PACS1: variants seen among roughly 807,000 people sequenced by gnomAD.
The protein encoded by PACS1 is phosphofurin acidic cluster sorting protein 1.
In PACS1, 24 loss-of-function variants were observed where a neutral mutation model predicts 115.0. The observed-to-expected ratio is 0.21, with a 90% CI of 0.15 to 0.29. The LOEUF (loss-of-function observed/expected upper bound fraction) is 0.29. PACS1 is among the 10% of genes least tolerant of loss of function. The pLI is 1.00. For missense variants in PACS1, 838 were observed against 1,251.2 expected (o/e 0.67, Z 4.98); for synonymous variants, 453 against 504.5 (o/e 0.90, Z 1.37).
At chr11:66,120,886 A>G in intron 1 of PACS1, 1 of 400,438 alleles carries the variant, frequency 2.5e-6, no homozygotes, top group Admixed American at 2.9e-5. Context: ...GCCCAGTTCA[A>G]GGGACGTCTT....
chr11:66,123,736 T>G (rs2134566050), intron 1 of PACS1, among the ~76,000 whole-genome samples: 1 of 151,248 alleles, frequency 6.6e-6, no homozygotes, highest in East Asian at 2.0e-4. Flanking sequence ...TTAGCCAGGA[T>G]GATCTCGATC....
chr11:66,235,858 T>C lies in PACS1; in HGVS notation c.2208-40T>C. The C allele has an allele frequency of 4.5e-6, 7 of 1,569,642 alleles. No individual in the cohort carries two copies. The highest frequency in any genetic ancestry group is 6.1e-6 in the Non-Finnish European group (7 of 1,139,540). On this transcript the variant is annotated intron_variant, in intron 18 of 23. Coordinates refer to ENST00000320580, the MANE Select transcript of PACS1 (RefSeq NM_018026.4). This position sits in a 1 kb window ranked among gnomAD's most constrained non-coding sequence, Gnocchi z 5.6. Reference sequence around the variant, plus strand: ...CAATTCCCCAGCACTCCTCCCTGTCTCTCCTACTAACTATGAAGCTCTCCT... The same window carrying C: ...CAATTCCCCAGCACTCCTCCCTGTCCCTCCTACTAACTATGAAGCTCTCCT...
chr11:66,072,869 G>T (rs887973631), intron 1 of PACS1, among the ~76,000 whole-genome samples: 1 of 152,256 alleles, frequency 6.6e-6, no homozygotes, highest in African/African-American at 2.4e-5. Context: ...AGGAGCTGCA[G>T]CAGAGGGGCG....
chr11:66,163,664 G>A (rs1248209174), intron 1 of PACS1, among the ~76,000 whole-genome samples: 6 of 152,138 alleles, frequency 3.9e-5, no homozygotes, highest in Non-Finnish European at 8.8e-5. Context: ...AAGTCTTCTG[G>A]TTTCAAACAG....
At chr11:66,223,054 C>CAAAAAAAAAAAAAAAAAA (rs71461612) in intron 10 of PACS1, among the ~76,000 whole-genome samples, 1 of 75,008 alleles carries the variant, frequency 1.3e-5, no homozygotes, top group African/African-American at 5.4e-5. Context: ...CCTCGATTTA[C>CAAAAAAAAAAAAAAAAAA]AAAAAAAAAA....
intron 1 of PACS1, among the ~76,000 whole-genome samples, chr11:66,169,453 G>A (rs1859686152): frequency 6.7e-6 from 1 of 149,572 alleles, no homozygotes; most frequent in Admixed American, 6.6e-5. Flanking sequence ...AGGCTGGAAT[G>A]CAGTGGCTCA....
intron 1 of PACS1, among the ~76,000 whole-genome samples, chr11:66,128,048 A>C (rs1010454805): frequency 6.6e-6 from 1 of 152,210 alleles, no homozygotes; most frequent in Non-Finnish European, 1.5e-5. Flanking sequence ...TAAACAGAAC[A>C]GTTTTTTCAA....
chr11:66,238,758 C>A, intron 19 of PACS1, 46 bp from the exon 20 acceptor site: 1 of 1,538,524 alleles, frequency 6.5e-7, no homozygotes, highest in Non-Finnish European at 8.9e-7. Flanking sequence ...CAGAACATGC[C>A]TGCTTTAACA....
At chr11:66,219,260 T>C (rs1390522658) in intron 7 of PACS1, among the ~76,000 whole-genome samples, 1 of 151,768 alleles carries the variant, frequency 6.6e-6, no homozygotes. Flanking sequence ...AGAATGGGCC[T>C]GCGGGGAGAA....
chr11:66,202,691 C>G (rs1398805453), intron 2 of PACS1, among the ~76,000 whole-genome samples: 1 of 128,766 alleles, frequency 7.8e-6, no homozygotes, highest in African/African-American at 3.0e-5. Context: ...GAATTTGAGA[C>G]CAGCCTGGGC....
chr11:66,215,646 T>C (rs1254308775), intron 4 of PACS1, among the ~76,000 whole-genome samples: 1 of 151,586 alleles, frequency 6.6e-6, no homozygotes, highest in Admixed American at 6.6e-5. Flanking sequence ...ACACTTGTTA[T>C]CCCAGCACTT....
chr11:66,210,744 G>A (rs1156895095), intron 3 of PACS1, among the ~76,000 whole-genome samples: 2 of 152,142 alleles, frequency 1.3e-5, no homozygotes, highest in Admixed American at 6.5e-5. Context: ...AGTGATCCTC[G>A]CACACCCCGT....
chr11:66,180,937 G>A (rs1180429787), intron 1 of PACS1, among the ~76,000 whole-genome samples: 2 of 152,136 alleles, frequency 1.3e-5, no homozygotes, highest in Non-Finnish European at 2.9e-5. Flanking sequence ...GGGATTGCAG[G>A]TGTGAGCCAC....
At chr11:66,118,427 C>T (rs1345716193) in intron 1 of PACS1, among the ~76,000 whole-genome samples, 3 of 151,946 alleles carry the variant, frequency 2.0e-5, no homozygotes, top group African/African-American at 4.8e-5. Flanking sequence ...CCCTAGGCAA[C>T]ATAAGGAGAC....
chr11:66,189,529 G>A (rs953180945), intron 1 of PACS1, among the ~76,000 whole-genome samples: 1 of 152,226 alleles, frequency 6.6e-6, no homozygotes, highest in Non-Finnish European at 1.5e-5. Context: ...AGCACAGAAC[G>A]TAACGTGATT....
chr11:66,210,597 C>A, intron 3 of PACS1, 146 bp downstream of exon 3: 1 of 682,164 alleles, frequency 1.5e-6, no homozygotes, highest in Non-Finnish European at 2.6e-6. Flanking sequence ...AGGTTTATGG[C>A]TGGCCTGGAG....
At chr11:66,198,927 T>G (rs919294727) in intron 2 of PACS1, among the ~76,000 whole-genome samples, 1 of 152,240 alleles carries the variant, frequency 6.6e-6, no homozygotes, top group Non-Finnish European at 1.5e-5. Context: ...TCTGTTTTAA[T>G]TCATAATATG....
chr11:66,147,739 G>C (rs2134603677), intron 1 of PACS1, among the ~76,000 whole-genome samples: 1 of 152,154 alleles, frequency 6.6e-6, no homozygotes, highest in African/African-American at 2.4e-5. Flanking sequence ...GAGGGAAGTG[G>C]GTTAGTTAAT....
intron 1 of PACS1, among the ~76,000 whole-genome samples, chr11:66,188,703 C>T (rs1354105796): frequency 1.3e-5 from 2 of 152,132 alleles, no homozygotes; most frequent in Non-Finnish European, 1.5e-5. Context: ...AGCTAACTAA[C>T]CCAGCTTCCT....
Sources: allele counts gnomAD v4.1 joint callset (sites outside exome capture counted in the v4.1 genomes callset), GRCh38; gene constraint gnomAD v4.1.1; non-coding constraint Gnocchi (gnomAD v3.1); transcripts MANE v1.5; gene names NCBI Gene and HGNC (gene_info 2026-07-23, HGNC 2026-07-21).